The following HCRTR2 variants were observed in gnomAD, a reference collection of about 807,000 sequenced individuals.
HCRTR2 encodes the protein orexin receptor type 2.
In HCRTR2, 22 loss-of-function variants were observed where a neutral mutation model predicts 49.0. The ratio of observed to expected loss-of-function variants is 0.45; its 90% CI spans 0.32 to 0.64. The LOEUF (loss-of-function observed/expected upper bound fraction) is 0.64, where lower values mean the gene tolerates loss of function less well. Among genes scored for constraint, HCRTR2 ranks in the 30% least tolerant of loss-of-function variants. The pLI, the probability that HCRTR2 is intolerant of heterozygous loss-of-function variation, is 0.04. For missense variants in HCRTR2, 491 were observed against 559.4 expected (o/e 0.88, Z 1.23); for synonymous variants, 236 against 205.3 (o/e 1.15, Z -1.28).
chr6:55,282,938 A>G (rs1368917798), downstream of HCRTR2, among the ~76,000 whole-genome samples: 1 of 152,128 alleles, frequency 6.6e-6, no homozygotes, highest in Non-Finnish European at 1.5e-5. Flanking sequence ...GTGATATCTG[A>G]GAAAATATTT....
intron 1 of HCRTR2, among the ~76,000 whole-genome samples, chr6:55,229,146 T>A (rs964968641): frequency 6.6e-6 from 1 of 152,150 alleles, no homozygotes; most frequent in African/African-American, 2.4e-5. Context: ...TGTGGAGAAA[T>A]TGGAACTCCT....
intron 1 of HCRTR2, among the ~76,000 whole-genome samples, chr6:55,126,024 T>C (rs1764271244): frequency 6.6e-6 from 1 of 152,180 alleles, no homozygotes; most frequent in African/African-American, 2.4e-5. Flanking sequence ...TCTAGCCTTT[T>C]TTCAAGGTTC....
intron 1 of HCRTR2, among the ~76,000 whole-genome samples, chr6:55,208,616 G>A (rs549174670): frequency 2.6e-5 from 4 of 152,098 alleles, no homozygotes; most frequent in South Asian, 2.1e-4. Flanking sequence ...AGTTTTATTC[G>A]TGATGTTATC....
intron 1 of HCRTR2, among the ~76,000 whole-genome samples, chr6:55,204,079 T>A (rs1487699198): frequency 6.6e-6 from 1 of 152,168 alleles, no homozygotes; most frequent in Non-Finnish European, 1.5e-5. Flanking sequence ...CATTCCCAAC[T>A]TCTGTGACTT....
rs114060775 is a variant in HCRTR2, at chr6:55,188,810, T to C, written c.223+14000T>C. Reference sequence around the variant, plus strand: ...GAGGCATATGCTAAGTCTCAGAACATTGAAATATAAGAGTTGGGTTTGACA... The same window carrying C: ...GAGGCATATGCTAAGTCTCAGAACACTGAAATATAAGAGTTGGGTTTGACA... On this transcript the variant is annotated intron_variant, in intron 1 of 6. Coordinates refer to ENST00000370862, the MANE Select transcript of HCRTR2 (RefSeq NM_001384272.1). Among the ~76,000 whole-genome samples the C allele has an allele frequency of 2.8e-3, 425 of 152,242 alleles. 4 individuals are homozygous for C. The highest frequency in any genetic ancestry group is 9.9e-3 in the African/African-American group (412 of 41,530).
chr6:55,221,521 T>G (rs1765891136), intron 1 of HCRTR2, among the ~76,000 whole-genome samples: 1 of 152,086 alleles, frequency 6.6e-6, no homozygotes, highest in African/African-American at 2.4e-5. Context: ...GAATTAAAAA[T>G]TAAAGATCTG....
At chr6:55,110,779 G>A (rs891290192) in intron 1 of HCRTR2, among the ~76,000 whole-genome samples, 1 of 151,980 alleles carries the variant, frequency 6.6e-6, no homozygotes, top group Non-Finnish European at 1.5e-5. Context: ...ACAATAGTGG[G>A]AGACTTCAAT....
chr6:55,191,440 C>G (rs1334154615), intron 1 of HCRTR2, among the ~76,000 whole-genome samples: 2 of 152,056 alleles, frequency 1.3e-5, no homozygotes, highest in Non-Finnish European at 2.9e-5. Context: ...TTATTAAAAT[C>G]TATACACATA....
Position 55,141,142 on chromosome 6 carries a change from G to A in HCRTR2, c.-377-33069G>A, listed in dbSNP as rs182876742. 8.3e-3 allele frequency among the ~76,000 whole-genome samples: 1,245 copies of A among 150,646 alleles called. 9 individuals carry two copies. Among genetic ancestry groups the A allele is most frequent in the Middle Eastern group, 0.06 (17 of 282 alleles). ...GAGGTCAGGAGATCGAGACCATCCT[G>A]GCTAACACGGTGAAATCCCCTCTCT... On this transcript the variant is annotated intron_variant, in intron 1 of 7. Coordinates refer to the HCRTR2 transcript ENST00000615358.
At chr6:55,169,636 T>C (rs1313631888), upstream of HCRTR2, among the ~76,000 whole-genome samples, 1 of 152,186 alleles carries the variant, frequency 6.6e-6, no homozygotes. Flanking sequence ...CCAGATAACT[T>C]CCTGCAAAGC....
At chr6:55,256,565 T>A (rs1462280648) in intron 3 of HCRTR2, among the ~76,000 whole-genome samples, 1 of 152,178 alleles carries the variant, frequency 6.6e-6, no homozygotes, top group African/African-American at 2.4e-5. Context: ...GCTTTATCTA[T>A]TACCCCAAAT....
chr6:55,281,192 AT>A (rs1392163976), intron 6 of HCRTR2, among the ~76,000 whole-genome samples: 2 of 152,132 alleles, frequency 1.3e-5, no homozygotes, highest in African/African-American at 4.8e-5. Flanking sequence ...ATAGAAATTC[AT>A]TTTGTGGCAT....
intron 1 of HCRTR2, among the ~76,000 whole-genome samples, chr6:55,148,108 G>A (rs1581794869): frequency 6.6e-6 from 1 of 152,106 alleles, no homozygotes; most frequent in African/African-American, 2.4e-5. Flanking sequence ...GCAAACCAAG[G>A]TTTATAGTAC....
At chr6:55,228,235 G>A (rs1766048737) in intron 1 of HCRTR2, among the ~76,000 whole-genome samples, 1 of 152,066 alleles carries the variant, frequency 6.6e-6, no homozygotes, top group African/African-American at 2.4e-5. Flanking sequence ...AAATTTATGT[G>A]TAAGAGTTGA....
At chr6:55,240,637 G>C in intron 1 of HCRTR2, 1 of 200,732 alleles carries the variant, frequency 5.0e-6, no homozygotes, top group African/African-American at 2.4e-5. Flanking sequence ...GGCCAATGCC[G>C]TAACAGTGTG....
chr6:55,227,194 T>A (rs1453556890), intron 1 of HCRTR2, among the ~76,000 whole-genome samples: 3 of 152,146 alleles, frequency 2.0e-5, no homozygotes, highest in Non-Finnish European at 4.4e-5. Flanking sequence ...TAGCCAAAAT[T>A]ATGCATTATG....
At chr6:55,245,650 A>C (rs1766429472) in intron 1 of HCRTR2, among the ~76,000 whole-genome samples, 1 of 151,404 alleles carries the variant, frequency 6.6e-6, no homozygotes, top group South Asian at 2.1e-4. Flanking sequence ...AGGTATGGAT[A>C]GCTCACTTAG....
At chr6:55,263,660 T>C (rs201021890) in intron 3 of HCRTR2, 47 bp from the exon 4 acceptor site, 20 of 959,232 alleles carry the variant, frequency 2.1e-5, no homozygotes, top group Non-Finnish European at 3.0e-5. Context: ...TTTTTAAAAG[T>C]CCATCAATTG....
chr6:55,130,828 A>G (rs187945565), intron 1 of HCRTR2, among the ~76,000 whole-genome samples: 2 of 151,880 alleles, frequency 1.3e-5, no homozygotes, highest in Non-Finnish European at 2.9e-5. Flanking sequence ...ACTTGTAAAC[A>G]CTACTGTTTT....
Sources: allele counts gnomAD v4.1 joint callset (sites outside exome capture counted in the v4.1 genomes callset), GRCh38; gene constraint gnomAD v4.1.1; transcripts MANE v1.5; gene names NCBI Gene and HGNC (gene_info 2026-07-23, HGNC 2026-07-21).